The following NPIPA5 variants were observed in gnomAD, a reference collection of about 807,000 sequenced individuals.
NPIPA5 encodes the protein nuclear pore complex-interacting protein family member A5.
NPIPA5 carries 6 observed loss-of-function variants against 21.4 expected under a neutral mutation model. The observed-to-expected ratio is 0.28, with a 90% CI of 0.15 to 0.55. The LOEUF (loss-of-function observed/expected upper bound fraction) is 0.55. Ranked by LOEUF, NPIPA5 falls within the 20% of genes least tolerant of loss-of-function variation. NPIPA5 has a pLI of 0.93. For synonymous variants in NPIPA5, 33 were observed against 115.3 expected (o/e 0.29, Z 4.57); for missense variants, 99 against 318.2 (o/e 0.31, Z 5.24).
In NPIPA5 at chr16:15,364,044, C is replaced by T. The variant is rs199563685; in HGVS notation, c.668G>A (p.Arg223His). 3,364 of 1,571,648 alleles carry T rather than the reference C, an allele frequency of 2.1e-3. 18 individuals carry two copies. The Admixed American group carries it at 0.059, about 28-fold the overall frequency. ...NRVRMAAVEH[R>H]HSSGLPYWPY... Reference sequence around the variant, plus strand: ...CCAGTAGGGCAATCCTGAAGAATGACGATGCTCCACTGCCGCCATTCTGAC... The same window carrying T: ...CCAGTAGGGCAATCCTGAAGAATGATGATGCTCCACTGCCGCCATTCTGAC... The change falls in exon 8 of 8, where the codon CGT becomes CAT. Residue 223 changes from arginine (R) to histidine (H), a missense_variant. Transcript: ENST00000360151.
At chr16:15,376,923 G>A (rs1183386399) in intron 1 of NPIPA5, among the ~76,000 whole-genome samples, 1 of 152,050 alleles carries the variant, frequency 6.6e-6, no homozygotes, top group South Asian at 2.1e-4. Flanking sequence ...GCAGTGAGCC[G>A]AGATCTTGCC....
In NPIPA5 at chr16:15,370,093, C is replaced by T. The variant is rs199859991; in HGVS notation, c.219G>A (p.Pro73=). Residue 73 remains proline, a synonymous_variant, in exon 3 of 8, where the codon CCG becomes CCA. Coordinates refer to ENST00000360151, the MANE Select transcript of NPIPA5 (RefSeq NM_001277325.2). ...LCVSFLKTIF[P]SQNGHDGSTD... is the part of the protein sequence containing the mutation. ...TGGATCCATCATGTCCATTTTGAGA[C>T]GGGAAGATAGTCTTCAGGAAAGACA... is the stretch of plus-strand genomic sequence containing the variant. 3,313 of 1,547,522 alleles carry T rather than the reference C, an allele frequency of 2.1e-3. 87 individuals are homozygous for T. The highest frequency in any genetic ancestry group is 2.6e-3 in the Non-Finnish European group (2,961 of 1,151,928).
At chr16:15,380,384 G>A (rs547569251), upstream of NPIPA5, among the ~76,000 whole-genome samples, 18 of 151,318 alleles carry the variant, frequency 1.2e-4, no homozygotes, top group East Asian at 2.1e-3. Flanking sequence ...GTGCAATGGC[G>A]TGATCTCGGC....
chr16:15,372,629 G>A (rs1434432637), intron 2 of NPIPA5, among the ~76,000 whole-genome samples: 2 of 145,602 alleles, frequency 1.4e-5, no homozygotes, highest in Admixed American at 1.4e-4. Flanking sequence ...ATCTTGAAAG[G>A]CAGTGCCAAA....
At chr16:15,381,221 C>T (rs1324189497), upstream of NPIPA5, 1 of 150,820 alleles carries the variant, frequency 6.6e-6, no homozygotes, top group Non-Finnish European at 1.4e-5. Context: ...CTACTTCATG[C>T]CATGCAAAAT....
intron 1 of NPIPA5, among the ~76,000 whole-genome samples, chr16:15,376,822 A>G (rs1197179162): frequency 9.2e-5 from 14 of 152,078 alleles, no homozygotes; most frequent in Admixed American, 9.2e-4. Context: ...GTGGTGGTCT[A>G]CTAAAAATAC....
At chr16:15,369,126 T>C (rs1248448612) in intron 4 of NPIPA5, among the ~76,000 whole-genome samples, 1 of 146,130 alleles carries the variant, frequency 6.8e-6, no homozygotes, top group Non-Finnish European at 1.5e-5. Flanking sequence ...CACTCCAGCC[T>C]GGGCGACAGA....
chr16:15,370,693 T>G (rs1172874964), intron 2 of NPIPA5, among the ~76,000 whole-genome samples: 5 of 139,290 alleles, frequency 3.6e-5, no homozygotes, highest in African/African-American at 1.3e-4. Context: ...AAAGGTTGTG[T>G]TGAGCTGAGA....
intron 1 of NPIPA5, among the ~76,000 whole-genome samples, chr16:15,374,238 GC>G (rs2050230428): frequency 1.4e-5 from 2 of 147,592 alleles, no homozygotes; most frequent in African/African-American, 5.0e-5. Flanking sequence ...CCACTCAGTC[GC>G]CCAGGCTGGA....
intron 4 of NPIPA5, among the ~76,000 whole-genome samples, chr16:15,369,291 A>G (rs1356578608): frequency 6.7e-6 from 1 of 149,414 alleles, no homozygotes; most frequent in Non-Finnish European, 1.5e-5. Flanking sequence ...CCCCATCTCT[A>G]GTAAAAATAC....
Position 15,367,187 on chromosome 16 carries a change from C to T in NPIPA5, c.438-427G>A, listed in dbSNP as rs974054202. Among the ~76,000 whole-genome samples, 13 of 152,140 alleles carry T rather than the reference C, an allele frequency of 8.5e-5. 1 individual carries two copies. Among genetic ancestry groups the T allele is most frequent in the South Asian group, 4.1e-4 (2 of 4,832 alleles). On this transcript the variant is annotated intron_variant, in intron 4 of 7. Coordinates refer to ENST00000360151, the MANE Select transcript of NPIPA5 (RefSeq NM_001277325.2). ...GCAGAGGATTGCTCCTCATCTGACTCCTCCTGTGTGAGACTGATTCTCAGT... is the reference window on the plus strand; with the variant it reads ...GCAGAGGATTGCTCCTCATCTGACTTCTCCTGTGTGAGACTGATTCTCAGT...
At chr16:15,379,437 G>A (rs1160609250), upstream of NPIPA5, among the ~76,000 whole-genome samples, 1 of 151,320 alleles carries the variant, frequency 6.6e-6, no homozygotes, top group African/African-American at 2.4e-5. Context: ...TGTGGTGGTG[G>A]GCACCTGTAG....
upstream of NPIPA5, chr16:15,381,607 C>T (rs1353656194): frequency 6.6e-6 from 1 of 151,232 alleles, no homozygotes; most frequent in African/African-American, 2.4e-5. Flanking sequence ...CTGCCTCCAC[C>T]ACTTATCAGC....
chr16:15,380,568 C>T (rs1161483312), upstream of NPIPA5, among the ~76,000 whole-genome samples: 3 of 151,958 alleles, frequency 2.0e-5, no homozygotes, highest in African/African-American at 7.2e-5. Flanking sequence ...GGTGATCCAC[C>T]AGCCTCAGCC....
At chr16:15,380,464 A>T (rs1259948660), upstream of NPIPA5, among the ~76,000 whole-genome samples, 1 of 151,936 alleles carries the variant, frequency 6.6e-6, no homozygotes, top group African/African-American at 2.4e-5. Flanking sequence ...CTGGAACTAC[A>T]GGCTGACACC....
At chr16:15,375,177 C>T (rs1234845201) in intron 1 of NPIPA5, among the ~76,000 whole-genome samples, 1 of 150,840 alleles carries the variant, frequency 6.6e-6, no homozygotes, top group African/African-American at 2.5e-5. Context: ...GATCCACCTG[C>T]CTCGGCCTCC....
Position 15,372,632 on chromosome 16 carries a change from G to C in NPIPA5, c.192+1083C>G, listed in dbSNP as rs251630. Among the ~76,000 whole-genome samples, 2 of 144,808 alleles carry C rather than the reference G, an allele frequency of 1.4e-5. 1 individual carries two copies. Among genetic ancestry groups the C allele is most frequent in the East Asian group, 4.0e-4 (2 of 4,944 alleles). The allele number at this position is 144,808 out of a possible 152,430, so 95.0% of individuals were successfully genotyped here. On this transcript the variant is annotated intron_variant, in intron 2 of 7. Coordinates refer to ENST00000360151, the MANE Select transcript of NPIPA5 (RefSeq NM_001277325.2). ...TGTTTTCTACATATCTTGAAAGGCA[G>C]TGCCAAATGACGTGTAATTATCTAG...
chr16:15,370,066 C>T lies in NPIPA5; in HGVS notation c.246G>A (p.Thr82=), dbSNP rs62037826. ...FPSQNGHDGS[T]DVQQRARRSN... ...ACCTCCTGGCTCTCTGCTGTACATC[C>T]GTGGATCCATCATGTCCATTTTGAG... The change falls in exon 3 of 8, where the codon ACG becomes ACA. Residue 82 remains threonine (T), a synonymous_variant. Transcript: ENST00000360151. The T allele has an allele frequency of 0.018, 26,797 of 1,508,584 alleles. 1,401 individuals are homozygous for T. Among genetic ancestry groups the T allele is most frequent in the Middle Eastern group, 0.021 (91 of 4,312 alleles). The allele number at this position is 1,508,584 out of a possible 1,614,324, so 93.4% of individuals were successfully genotyped here. A position where few individuals can be genotyped will look rare whatever the true frequency, so the allele number is the denominator to read the frequency against.
upstream of NPIPA5, among the ~76,000 whole-genome samples, chr16:15,380,001 G>C (rs537125183): frequency 2.0e-5 from 3 of 151,660 alleles, no homozygotes; most frequent in Admixed American, 6.6e-5. Context: ...GTGTGTGTGT[G>C]TGTGTGTGTG....
Sources: gnomAD v4.1 joint callset for allele counts (sites outside exome capture counted in the v4.1 genomes callset) on GRCh38, gnomAD v4.1.1 for gene constraint, MANE v1.5 for transcripts, NCBI Gene and HGNC (gene_info 2026-07-23, HGNC 2026-07-21) for gene names.